PACSIN2: variants seen among roughly 807,000 people sequenced by gnomAD.
The protein encoded by PACSIN2 is protein kinase C and casein kinase substrate in neurons 2, also known as protein kinase C and casein kinase substrate in neurons protein 2.
A neutral mutation model predicts 63.8 loss-of-function variants in PACSIN2; 25 were observed. That is an observed-to-expected ratio of 0.39 (90% confidence interval 0.29 to 0.55). The LOEUF is 0.55. Among genes scored for constraint, PACSIN2 ranks in the 20% least tolerant of loss-of-function variants. The pLI, the probability that PACSIN2 is intolerant of heterozygous loss-of-function variation, is 0.62. For synonymous variants in PACSIN2, 255 were observed against 256.2 expected (o/e 1.00, Z 0.05); for missense variants, 518 against 646.9 (o/e 0.80, Z 2.16).
rs10678680 is a variant in PACSIN2, at chr22:42,961,447, T to TAAAAA, written c.-77-49295_-77-49291dup. ...TGAGAAACACCCAAGAATGATCAAT[T>TAAAAA]AAAAAAAAAAAAAAAAAAAAATCTT... On this transcript the variant is annotated intron_variant, in intron 1 of 10. Transcript: ENST00000263246. 2.5e-5 allele frequency among the ~76,000 whole-genome samples: 3 copies of TAAAAA among 121,196 alleles called. 1 individual carries two copies. Among genetic ancestry groups the TAAAAA allele is most frequent in the Non-Finnish European group, 3.3e-5 (2 of 59,806 alleles). 79.5% of individuals were successfully genotyped at this position (121,196 alleles called of 152,430 possible).
intron 1 of PACSIN2, among the ~76,000 whole-genome samples, chr22:43,010,283 A>G (rs1024380647): frequency 6.6e-6 from 1 of 151,346 alleles, no homozygotes; most frequent in African/African-American, 2.4e-5. Context: ...TCACACCTGT[A>G]ATCCTAGCAC....
chr22:43,014,362 A>ACC (rs1416276559), intron 1 of PACSIN2, among the ~76,000 whole-genome samples: 1 of 11,408 alleles, frequency 8.8e-5, no homozygotes, highest in African/African-American at 4.7e-4. Context: ...AGACACACAC[A>ACC]CACCACCCCC....
At chr22:42,881,069 G>C (rs1929034205) in intron 7 of PACSIN2, among the ~76,000 whole-genome samples, 1 of 152,248 alleles carries the variant, frequency 6.6e-6, no homozygotes, top group Admixed American at 6.5e-5. Flanking sequence ...AAGGGGCACA[G>C]CTGCTCTACT....
chr22:42,887,715 G>A (rs930126340), intron 5 of PACSIN2, among the ~76,000 whole-genome samples: 5 of 152,098 alleles, frequency 3.3e-5, no homozygotes, highest in Admixed American at 2.6e-4. Flanking sequence ...AGACGATGAC[G>A]CTGTCTGGTT....
chr22:42,931,602 G>A (rs1932779936), intron 1 of PACSIN2, among the ~76,000 whole-genome samples: 1 of 152,246 alleles, frequency 6.6e-6, no homozygotes, highest in Admixed American at 6.5e-5. Context: ...AGCGAGGAAG[G>A]AAGGAGGAAC....
intron 1 of PACSIN2, among the ~76,000 whole-genome samples, chr22:42,981,650 G>A (rs1443159948): frequency 7.8e-6 from 1 of 128,022 alleles, no homozygotes. Context: ...AGGGAGGTGG[G>A]GGGGTCAGCC....
chr22:43,011,803 G>T (rs545518848), intron 1 of PACSIN2, among the ~76,000 whole-genome samples: 8 of 151,980 alleles, frequency 5.3e-5, no homozygotes, highest in African/African-American at 1.9e-4. Context: ...CCTGAGGTCA[G>T]GAGTTCCAGA....
chr22:42,909,522 C>T (rs1931308157), intron 2 of PACSIN2: 1 of 471,002 alleles, frequency 2.1e-6, no homozygotes, highest in Non-Finnish European at 4.4e-6. Context: ...GAACATCCGT[C>T]ATGGAGAAGG....
intron 1 of PACSIN2, among the ~76,000 whole-genome samples, chr22:43,001,025 G>T (rs927790725): frequency 1.3e-5 from 2 of 152,166 alleles, no homozygotes; most frequent in African/African-American, 4.8e-5. Context: ...GCAGCCCTTG[G>T]GCCCCGTCCG....
chr22:42,920,430 T>C (rs965365758), intron 1 of PACSIN2, among the ~76,000 whole-genome samples: 6 of 152,230 alleles, frequency 3.9e-5, no homozygotes, highest in Admixed American at 3.9e-4. Flanking sequence ...AAAATATGTT[T>C]CCCATGTAGT....
chr22:42,920,882 A>C (rs1186561992), intron 1 of PACSIN2, among the ~76,000 whole-genome samples: 1 of 139,700 alleles, frequency 7.2e-6, no homozygotes, highest in Non-Finnish European at 1.5e-5. Flanking sequence ...AGCTCACTGC[A>C]GCCTCAACCT....
chr22:42,907,450 G>A (rs1292274231), intron 2 of PACSIN2, among the ~76,000 whole-genome samples: 1 of 152,242 alleles, frequency 6.6e-6, no homozygotes, highest in Non-Finnish European at 1.5e-5. Flanking sequence ...TGAAACTAAT[G>A]TGGGCCACTA....
In PACSIN2 at chr22:42,870,733, AT is replaced by A. The variant is rs1928041782; in HGVS notation, c.*623del. 1.3e-5 allele frequency: 2 copies of A among 152,384 alleles called. No homozygotes were observed. Among genetic ancestry groups the A allele is most frequent in the African/African-American group, 4.8e-5 (2 of 41,440 alleles). 9.4% of individuals were successfully genotyped at this position (152,384 alleles called of 1,614,324 possible). On this transcript the variant is annotated 3_prime_UTR_variant, in exon 11 of 11. Coordinates refer to ENST00000263246, the MANE Select transcript of PACSIN2 (RefSeq NM_001184970.3). ...GAGCATTCCCAATAGAAACCCGACC[AT>A]AACCCGGTCCCACCTTCCTGGCATA...
At chr22:42,905,380 G>C (rs1226724389) in intron 2 of PACSIN2, among the ~76,000 whole-genome samples, 1 of 152,256 alleles carries the variant, frequency 6.6e-6, no homozygotes, top group South Asian at 2.1e-4. Flanking sequence ...TCGGGCTCGG[G>C]AGTCATTTAG....
At chr22:42,892,227 GC>G (rs1569230567) in intron 3 of PACSIN2, among the ~76,000 whole-genome samples, 1 of 152,174 alleles carries the variant, frequency 6.6e-6, no homozygotes, top group African/African-American at 2.4e-5. Flanking sequence ...CCACAACGGA[GC>G]CGGGGCAGAA....
At chr22:42,895,889 C>T (rs575538357) in intron 2 of PACSIN2, among the ~76,000 whole-genome samples, 8 of 152,282 alleles carry the variant, frequency 5.3e-5, no homozygotes, top group South Asian at 2.1e-4. Flanking sequence ...GTGTGGTGGC[C>T]GGTGAAGGCC....
At chr22:42,988,904 G>A (rs1216648295) in intron 1 of PACSIN2, among the ~76,000 whole-genome samples, 1 of 151,116 alleles carries the variant, frequency 6.6e-6, no homozygotes, top group African/African-American at 2.4e-5. Context: ...TTTTGTTTTT[G>A]GGAGTGAGTC....
intron 1 of PACSIN2, among the ~76,000 whole-genome samples, chr22:42,931,983 C>CTGAA (rs1445071837): frequency 6.6e-6 from 1 of 152,186 alleles, no homozygotes; most frequent in Non-Finnish European, 1.5e-5. Context: ...AGTTTCTAGC[C>CTGAA]TCTTCAGGGC....
chr22:42,992,703 C>G (rs1433067883), intron 1 of PACSIN2, among the ~76,000 whole-genome samples: 1 of 152,114 alleles, frequency 6.6e-6, no homozygotes. Flanking sequence ...GTGATTACAC[C>G]AAGTGGAAAC....
Sources: gnomAD v4.1 joint callset for allele counts (sites outside exome capture counted in the v4.1 genomes callset) on GRCh38, gnomAD v4.1.1 for gene constraint, MANE v1.5 for transcripts, NCBI Gene and HGNC (gene_info 2026-07-23, HGNC 2026-07-21) for gene names.